ZNF567: variants seen among roughly 807,000 people sequenced by gnomAD.
ZNF567 encodes the protein zinc finger protein 567.
A neutral mutation model predicts 53.9 loss-of-function variants in ZNF567; 36 were observed. The ratio of observed to expected loss-of-function variants is 0.67; its 90% CI spans 0.51 to 0.88. ZNF567 has a LOEUF of 0.88. ZNF567 is among the 40% of genes least tolerant of loss of function. ZNF567 has a pLI of 0.00. For synonymous variants in ZNF567, 224 were observed against 260.4 expected (o/e 0.86, Z 1.35); for missense variants, 619 against 764.7 (o/e 0.81, Z 2.25).
chr19:36,680,020 C>T, the ZNF567 span, among the ~76,000 whole-genome samples: 2 of 152,076 alleles, frequency 1.3e-5, no homozygotes, highest in African/African-American at 4.8e-5. Flanking sequence ...TTTGAGGTAA[C>T]GGATATGCTA....
upstream of ZNF567, among the ~76,000 whole-genome samples, chr19:36,683,843 A>G (rs1455211827): frequency 1.3e-5 from 2 of 152,048 alleles, no homozygotes; most frequent in Non-Finnish European, 2.9e-5. Flanking sequence ...AATAATAATA[A>G]TAATAAAATA....
At chr19:36,672,663 C>T in the ZNF567 span, among the ~76,000 whole-genome samples, 1 of 152,200 alleles carries the variant, frequency 6.6e-6, no homozygotes, top group Non-Finnish European at 1.5e-5. Context: ...GCACCATTCC[C>T]TGGTGGCAGG....
the ZNF567 span, among the ~76,000 whole-genome samples, chr19:36,670,237 T>G: frequency 2.0e-5 from 3 of 152,028 alleles, no homozygotes; most frequent in Admixed American, 2.0e-4. Flanking sequence ...TGTGGTTGTA[T>G]CCCCAATACC....
chr19:36,674,731 T>A, the ZNF567 span, among the ~76,000 whole-genome samples: 1 of 152,186 alleles, frequency 6.6e-6, no homozygotes, highest in Non-Finnish European at 1.5e-5. Flanking sequence ...TAGAATATGC[T>A]TAGCTGTAAA....
downstream of ZNF567, among the ~76,000 whole-genome samples, chr19:36,726,419 G>T (rs913189700): frequency 3.3e-5 from 5 of 152,122 alleles, no homozygotes; most frequent in African/African-American, 7.2e-5. Context: ...CATGGGGAGG[G>T]CAACTGTGCC....
At chr19:36,715,496 TAA>T (rs2040005251) in intron 5 of ZNF567, among the ~76,000 whole-genome samples, 62 of 47,406 alleles carry the variant, frequency 1.3e-3, no homozygotes, top group Middle Eastern at 0.012. Flanking sequence ...ATAATAATAA[TAA>T]TAATAATAAT....
chr19:36,682,291 A>G, the ZNF567 span, among the ~76,000 whole-genome samples: 185 of 151,860 alleles, frequency 1.2e-3, 1 homozygote, highest in African/African-American at 4.3e-3. Flanking sequence ...CTCAAAAAAA[A>G]AAAAAAAAAA....
chr19:36,718,815 C>A, intron 5 of ZNF567, 133 bp from the exon 6 acceptor site: 1 of 630,746 alleles, frequency 1.6e-6, no homozygotes. Context: ...GTTCCCCTCC[C>A]CGCACCCCTG....
chr19:36,684,164 T>G (rs2038228161), upstream of ZNF567, among the ~76,000 whole-genome samples: 1 of 152,186 alleles, frequency 6.6e-6, no homozygotes, highest in African/African-American at 2.4e-5. Context: ...ACATGAAAAT[T>G]TGTTCACTAT....
chr19:36,681,738 CTT>C, the ZNF567 span, among the ~76,000 whole-genome samples: 3 of 142,470 alleles, frequency 2.1e-5, no homozygotes, highest in African/African-American at 2.6e-5. Flanking sequence ...GCCAAGTTTT[CTT>C]TTTTTTTTTT....
Position 36,719,441 on chromosome 19 carries a change from A to G in ZNF567, c.717A>G (p.Val239=), listed in dbSNP as rs1404757977. Residue 239 remains valine (V), a synonymous_variant, in exon 6 of 6, where the codon GTA becomes GTG. Transcript: ENST00000682579. ...CTTACAAAGGAGAAAACCCATCTGT[A>G]TATAATAAAAAAAGAAGAGCAACCA... The part of the protein sequence containing the change: ...SRPYKGENPS[V]YNKKRRATNI... The G allele has an allele frequency of 2.5e-6, 4 of 1,611,588 alleles. No individual in the cohort carries two copies. The highest frequency in any genetic ancestry group is 3.4e-6 in the Non-Finnish European group (4 of 1,179,516).
chr19:36,693,201 T>C (rs1395870975), intron 2 of ZNF567, among the ~76,000 whole-genome samples: 1 of 151,786 alleles, frequency 6.6e-6, no homozygotes, highest in Non-Finnish European at 1.5e-5. Flanking sequence ...GATAGGAGGA[T>C]CACTTGAGCC....
At chr19:36,717,941 TGAAA>T (rs2040136374) in intron 5 of ZNF567, among the ~76,000 whole-genome samples, 1 of 152,210 alleles carries the variant, frequency 6.6e-6, no homozygotes, top group Non-Finnish European at 1.5e-5. Flanking sequence ...TGAACAATTC[TGAAA>T]GAAGTGATTT....
At chr19:36,689,172 C>A (rs1395292485) in intron 1 of ZNF567, among the ~76,000 whole-genome samples, 2 of 151,668 alleles carry the variant, frequency 1.3e-5, no homozygotes, top group Admixed American at 1.3e-4. Flanking sequence ...GAATAGAATA[C>A]CACTGGGACC....
chr19:36,703,354 A>T (rs1418076018), intron 3 of ZNF567, among the ~76,000 whole-genome samples: 4 of 151,794 alleles, frequency 2.6e-5, no homozygotes, highest in Admixed American at 2.6e-4. Context: ...GGTGCCTCCC[A>T]GTTAGGCTGC....
upstream of ZNF567, among the ~76,000 whole-genome samples, chr19:36,685,219 C>T (rs3108204): frequency 0.2 from 30,397 of 151,982 alleles, 3,138 homozygotes; most frequent in Middle Eastern, 0.25. Flanking sequence ...ACCTGGGAGG[C>T]GGAGGTTGCA....
chr19:36,715,504 A>ATTATTATTATTAT (rs1404607092), intron 5 of ZNF567, among the ~76,000 whole-genome samples: 1 of 24,632 alleles, frequency 4.1e-5, no homozygotes. Flanking sequence ...AATAATAATA[A>ATTATTATTATTAT]TAATAATTAT....
chr19:36,714,505 A>C (rs1159504947), intron 5 of ZNF567: 1 of 398,290 alleles, frequency 2.5e-6, no homozygotes, highest in African/African-American at 2.1e-5. Flanking sequence ...TCCTGTCTTT[A>C]AAAAGAGAAA....
chr19:36,693,003 G>GGAA (rs1423983047), intron 2 of ZNF567, among the ~76,000 whole-genome samples: 1 of 152,042 alleles, frequency 6.6e-6, no homozygotes, highest in Non-Finnish European at 1.5e-5. Flanking sequence ...AACCCTGGGA[G>GGAA]TAGGCGGTAT....
Sources: allele counts gnomAD v4.1 joint callset (sites outside exome capture counted in the v4.1 genomes callset), GRCh38; gene constraint gnomAD v4.1.1; transcripts MANE v1.5; gene names NCBI Gene and HGNC (gene_info 2026-07-23, HGNC 2026-07-21).